The following PCDHA12 variants were observed in gnomAD, a reference collection of about 807,000 sequenced individuals.
PCDHA12 encodes protocadherin alpha 12, also known as protocadherin alpha-12.
In PCDHA12, 44 loss-of-function variants were observed where a neutral mutation model predicts 60.0. The ratio of observed to expected loss-of-function variants is 0.73; its 90% CI spans 0.58 to 0.94. The LOEUF (loss-of-function observed/expected upper bound fraction) is 0.94. Among genes scored for constraint, PCDHA12 ranks in the 40% least tolerant of loss-of-function variants. The pLI, the probability that PCDHA12 is intolerant of heterozygous loss-of-function variation, is 0.00. For missense variants in PCDHA12, 1,276 were observed against 1,239.7 expected (o/e 1.03, Z -0.44); for synonymous variants, 569 against 553.0 (o/e 1.03, Z -0.40).
chr5:140,950,270 G>A (rs980703743), intron 1 of PCDHA12, among the ~76,000 whole-genome samples: 1 of 151,960 alleles, frequency 6.6e-6, no homozygotes, highest in East Asian at 1.9e-4. Flanking sequence ...TATCCATAAT[G>A]TCTTTTTGCT....
At chr5:140,977,246 C>T (rs939682133) in intron 1 of PCDHA12, among the ~76,000 whole-genome samples, 1 of 152,172 alleles carries the variant, frequency 6.6e-6, no homozygotes, top group Non-Finnish European at 1.5e-5. Flanking sequence ...AAATTGGCAA[C>T]ATTTCTCAGC....
At chr5:140,934,690 T>G (rs1263392505) in intron 1 of PCDHA12, among the ~76,000 whole-genome samples, 1 of 152,198 alleles carries the variant, frequency 6.6e-6, no homozygotes, top group Non-Finnish European at 1.5e-5. Flanking sequence ...AAACAATGAA[T>G]TGATTCCTGG....
intron 1 of PCDHA12, among the ~76,000 whole-genome samples, chr5:140,900,920 T>G (rs539511607): frequency 2.0e-5 from 3 of 152,204 alleles, no homozygotes; most frequent in Non-Finnish European, 4.4e-5. Context: ...TAAGATGATA[T>G]CTCATTGTAG....
chr5:140,992,270 G>A (rs115480506), intron 3 of PCDHA12, among the ~76,000 whole-genome samples: 186 of 152,264 alleles, frequency 1.2e-3, no homozygotes, highest in African/African-American at 4.1e-3. Flanking sequence ...AGTTCTTTTC[G>A]TAGCACATCC....
At chr5:140,906,829 C>T (rs2072974984) in intron 1 of PCDHA12, among the ~76,000 whole-genome samples, 1 of 152,244 alleles carries the variant, frequency 6.6e-6, no homozygotes, top group Non-Finnish European at 1.5e-5. Context: ...GAGTAGTAGA[C>T]TGATTTCATC....
intron 1 of PCDHA12, among the ~76,000 whole-genome samples, chr5:140,910,954 G>A (rs183183329): frequency 3.4e-4 from 51 of 152,174 alleles, no homozygotes; most frequent in Admixed American, 7.2e-4. Flanking sequence ...CTTTTCGAGT[G>A]TAGCACACCT....
rs570399561 is a variant in PCDHA12, at chr5:140,943,988, C to T, written c.2368-34961C>T. ...GTTAAAGTAATTAAGAAAACAGAGA[C>T]AGAACTACTGAGTACCCCCCAAAAG... On this transcript the variant is annotated intron_variant, in intron 1 of 3. Transcript: ENST00000398631. 8.3e-4 allele frequency among the ~76,000 whole-genome samples: 126 copies of T among 152,216 alleles called. 3 individuals carry two copies. The Middle Eastern group carries it at 0.017, about 21-fold the overall frequency.
chr5:140,947,100 T>C (rs782585215), intron 1 of PCDHA12, among the ~76,000 whole-genome samples: 16 of 151,438 alleles, frequency 1.1e-4, no homozygotes, highest in Non-Finnish European at 2.1e-4. Context: ...AGCCCATAAA[T>C]AGGTACGTGT....
At chr5:141,008,698 G>A (rs246582) in intron 3 of PCDHA12, among the ~76,000 whole-genome samples, 2,594 of 152,212 alleles carry the variant, frequency 0.017, 88 homozygotes, top group African/African-American at 0.059. Context: ...GTATTAAGTT[G>A]GTTTCTAGTT....
chr5:140,944,310 C>T (rs1036800359), intron 1 of PCDHA12, among the ~76,000 whole-genome samples: 6 of 152,132 alleles, frequency 3.9e-5, no homozygotes, highest in Non-Finnish European at 7.4e-5. Flanking sequence ...ACCTCAGCCT[C>T]CTGAGTAGCT....
chr5:140,925,108 G>GGGAA (rs1299910272), intron 1 of PCDHA12, among the ~76,000 whole-genome samples: 1 of 124,780 alleles, frequency 8.0e-6, no homozygotes, highest in East Asian at 2.1e-4. Flanking sequence ...GAAGGAAGGA[G>GGGAA]GGAAGGAAGG....
chr5:140,953,873 A>G (rs537538688), intron 1 of PCDHA12, among the ~76,000 whole-genome samples: 53 of 152,258 alleles, frequency 3.5e-4, no homozygotes, highest in African/African-American at 1.3e-3. Context: ...TGCTGCACAG[A>G]TCAACCCATC....
At chr5:140,882,217 A>C in intron 1 of PCDHA12, 1 of 1,542,972 alleles carries the variant, frequency 6.5e-7, no homozygotes, top group Non-Finnish European at 8.7e-7. Context: ...AGACAGTTTG[A>C]GGTAAGGCGT....
At chr5:140,883,614 A>G (rs2059700095) in intron 1 of PCDHA12, 1 of 1,613,816 alleles carries the variant, frequency 6.2e-7, no homozygotes, top group South Asian at 1.1e-5. Context: ...GCCGACGTGA[A>G]CGACAACGCG....
chr5:140,910,924 A>G (rs568597600), intron 1 of PCDHA12, among the ~76,000 whole-genome samples: 2 of 152,260 alleles, frequency 1.3e-5, no homozygotes, highest in South Asian at 4.1e-4. Flanking sequence ...GCTTATATAA[A>G]TAAGAAAGCT....
chr5:140,998,005 C>G (rs539275150), intron 3 of PCDHA12, among the ~76,000 whole-genome samples: 1 of 152,164 alleles, frequency 6.6e-6, no homozygotes, highest in South Asian at 2.1e-4. Flanking sequence ...TCTGAGCCTT[C>G]CATCCCCACC....
chr5:140,948,461 A>G (rs2094256529), intron 1 of PCDHA12, among the ~76,000 whole-genome samples: 1 of 151,516 alleles, frequency 6.6e-6, no homozygotes, highest in Admixed American at 6.6e-5. Flanking sequence ...TCTTTTAGGG[A>G]AAGTTTCTGA....
At chr5:140,927,970 G>C in intron 1 of PCDHA12, 2 of 1,614,216 alleles carry the variant, frequency 1.2e-6, no homozygotes, top group Non-Finnish European at 1.7e-6. Context: ...CACAGTGATT[G>C]CTCTCTTTAG....
chr5:140,908,604 C>T (rs1011069667), intron 1 of PCDHA12, among the ~76,000 whole-genome samples: 10 of 152,114 alleles, frequency 6.6e-5, no homozygotes, highest in African/African-American at 2.2e-4. Flanking sequence ...GATGGAAGGG[C>T]CTTGCTCCAA....
Sources: gnomAD v4.1 joint callset for allele counts (sites outside exome capture counted in the v4.1 genomes callset) on GRCh38, gnomAD v4.1.1 for gene constraint, MANE v1.5 for transcripts, NCBI Gene and HGNC (gene_info 2026-07-23, HGNC 2026-07-21) for gene names.